TENM3: variants seen among roughly 807,000 people sequenced by gnomAD.
TENM3 encodes the protein teneurin transmembrane protein 3, also known as teneurin-3.
Under a neutral mutation model 255.1 loss-of-function variants are expected in TENM3, and 63 were observed. That is an observed-to-expected ratio of 0.25 (90% CI 0.20 to 0.30). TENM3 has a LOEUF of 0.30. Ranked by LOEUF, TENM3 falls within the 10% of genes least tolerant of loss-of-function variation. The probability of loss-of-function intolerance (pLI) is 1.00; values close to 1 mark genes in which losing one functional copy is unlikely to be tolerated. For missense variants in TENM3, 2,929 were observed against 3,461.1 expected, an observed-to-expected ratio of 0.85 and a Z score of 3.86; for synonymous variants, 1,306 against 1,322.3, an observed-to-expected ratio of 0.99 and a Z score of 0.27.
At chr4:182,275,727 A>G (rs924432935) in intron 1 of TENM3, among the ~76,000 whole-genome samples, 1 of 152,072 alleles carries the variant, frequency 6.6e-6, no homozygotes, top group African/African-American at 2.4e-5. Flanking sequence ...GCTTGAGGCC[A>G]GGAGTTTGAG....
the TENM3 span, among the ~76,000 whole-genome samples, chr4:181,990,616 C>G: frequency 1.3e-5 from 2 of 152,010 alleles, no homozygotes; most frequent in African/African-American, 4.8e-5. Flanking sequence ...GTATAAAGTC[C>G]CACTAAGCTG....
chr4:182,727,146 TACC>T (rs752317544), intron 13 of TENM3, among the ~76,000 whole-genome samples: 15 of 152,056 alleles, frequency 9.9e-5, no homozygotes, highest in Non-Finnish European at 2.1e-4. Flanking sequence ...TAAATGTAAT[TACC>T]AAGGAGATAA....
At chr4:181,974,756 A>G in the TENM3 span, among the ~76,000 whole-genome samples, 1 of 152,182 alleles carries the variant, frequency 6.6e-6, no homozygotes, top group Non-Finnish European at 1.5e-5. Context: ...CAGAACTGAT[A>G]TGATCTTACT....
chr4:181,996,159 TAAAA>T, the TENM3 span, among the ~76,000 whole-genome samples: 2 of 139,020 alleles, frequency 1.4e-5, no homozygotes. Context: ...TCGCTACGGT[TAAAA>T]AAAAAAAAAA....
the TENM3 span, among the ~76,000 whole-genome samples, chr4:181,830,479 G>A: frequency 6.6e-6 from 1 of 151,906 alleles, no homozygotes; most frequent in Non-Finnish European, 1.5e-5. Context: ...CACCATGTTG[G>A]TCAGGCTGGT....
At chr4:181,999,287 G>A in the TENM3 span, among the ~76,000 whole-genome samples, 2 of 152,150 alleles carry the variant, frequency 1.3e-5, no homozygotes, top group African/African-American at 2.4e-5. Flanking sequence ...GACCAGGCAG[G>A]TGCTCCAGAG....
the TENM3 span, among the ~76,000 whole-genome samples, chr4:181,653,653 C>A: frequency 1.3e-5 from 2 of 151,268 alleles, no homozygotes; most frequent in African/African-American, 4.9e-5. Flanking sequence ...CCCGCCTTGG[C>A]CTCCCAAAGT....
chr4:181,977,092 C>T, the TENM3 span, among the ~76,000 whole-genome samples: 5 of 152,142 alleles, frequency 3.3e-5, no homozygotes, highest in East Asian at 1.9e-4. Flanking sequence ...TGAGCTGGAC[C>T]GCCCAGCTTC....
intron 2 of TENM3, among the ~76,000 whole-genome samples, chr4:182,344,749 G>A (rs965050094): frequency 7.9e-5 from 12 of 151,224 alleles, no homozygotes; most frequent in African/African-American, 2.9e-4. Context: ...TCCTTATTTT[G>A]AAAAATCAGC....
At chr4:182,258,650 T>C (rs1334064162) in intron 1 of TENM3, among the ~76,000 whole-genome samples, 1 of 152,236 alleles carries the variant, frequency 6.6e-6, no homozygotes, top group Non-Finnish European at 1.5e-5. Context: ...TTTCACCTTG[T>C]GTTACTTGTA....
the TENM3 span, among the ~76,000 whole-genome samples, chr4:181,733,798 T>A: frequency 2.0e-5 from 3 of 152,226 alleles, no homozygotes; most frequent in Non-Finnish European, 4.4e-5. Context: ...TTCTTTGTTT[T>A]TCAGGACCAC....
the TENM3 span, among the ~76,000 whole-genome samples, chr4:181,585,389 G>C: frequency 6.6e-6 from 1 of 151,938 alleles, no homozygotes; most frequent in Non-Finnish European, 1.5e-5. Flanking sequence ...TACATTCATC[G>C]GTCAGGAAAA....
At chr4:182,395,308 T>G (rs1768732805) in intron 3 of TENM3, among the ~76,000 whole-genome samples, 1 of 152,142 alleles carries the variant, frequency 6.6e-6, no homozygotes, top group Non-Finnish European at 1.5e-5. Flanking sequence ...GTCCAACACT[T>G]TATCACAACC....
At chr4:181,884,377 A>G in the TENM3 span, among the ~76,000 whole-genome samples, 1 of 152,086 alleles carries the variant, frequency 6.6e-6, no homozygotes, top group Non-Finnish European at 1.5e-5. Flanking sequence ...GTATATTCAC[A>G]AGGTTGTGTA....
At chr4:181,553,199 A>C in the TENM3 span, among the ~76,000 whole-genome samples, 4 of 151,796 alleles carry the variant, frequency 2.6e-5, no homozygotes, top group Non-Finnish European at 5.9e-5. Flanking sequence ...GAAGATCCAG[A>C]AAATTTTAGA....
chr4:182,219,541 T>C (rs1052422375), intron 1 of TENM3, among the ~76,000 whole-genome samples: 2 of 152,040 alleles, frequency 1.3e-5, no homozygotes, highest in African/African-American at 4.8e-5. Flanking sequence ...GTTGCATGCC[T>C]TTAATCCCAG....
chr4:182,327,980 A>G (rs1489744585), intron 2 of TENM3, among the ~76,000 whole-genome samples: 3 of 152,172 alleles, frequency 2.0e-5, no homozygotes, highest in Non-Finnish European at 4.4e-5. Flanking sequence ...AATTCCAACA[A>G]GGAACGCTGC....
chr4:181,928,571 T>G, the TENM3 span, among the ~76,000 whole-genome samples: 4 of 150,998 alleles, frequency 2.6e-5, no homozygotes, highest in Non-Finnish European at 5.9e-5. Flanking sequence ...TGCCTGAAAG[T>G]GACGGGAAGA....
At chr4:182,603,784 T>TACACACAC (rs142957807) in intron 4 of TENM3, among the ~76,000 whole-genome samples, 1 of 134,162 alleles carries the variant, frequency 7.5e-6, no homozygotes, top group African/African-American at 2.7e-5. Context: ...TATATATATA[T>TACACACAC]ACACACACAC....
Sources: allele counts gnomAD v4.1 joint callset (sites outside exome capture counted in the v4.1 genomes callset), GRCh38; gene constraint gnomAD v4.1.1; transcripts MANE v1.5; gene names NCBI Gene and HGNC (gene_info 2026-07-23, HGNC 2026-07-21).